The following SLIT2 variants were observed in gnomAD, a reference collection of about 807,000 sequenced individuals.
SLIT2 encodes the protein slit homolog 2 protein.
A neutral mutation model predicts 185.7 loss-of-function variants in SLIT2; 41 were observed. The ratio of observed to expected loss-of-function variants is 0.22; its 90% CI spans 0.17 to 0.29. SLIT2 has a LOEUF of 0.29. SLIT2 is among the 10% of genes least tolerant of loss of function. SLIT2 has a pLI of 1.00. For synonymous variants in SLIT2, 693 were observed against 680.2 expected (o/e 1.02, Z -0.29); for missense variants, 1,571 against 1,909.0 (o/e 0.82, Z 3.30).
chr4:20,320,962 A>G (rs2109164003), intron 4 of SLIT2, among the ~76,000 whole-genome samples: 1 of 152,208 alleles, frequency 6.6e-6, no homozygotes, highest in East Asian at 1.9e-4. Context: ...CCAGGAATTC[A>G]AGACCAGCCT....
chr4:20,352,668 C>A (rs1024603313), intron 4 of SLIT2, among the ~76,000 whole-genome samples: 78 of 152,168 alleles, frequency 5.1e-4, no homozygotes, highest in African/African-American at 1.8e-3. Context: ...AATCCCAGCA[C>A]TTTGGGAGGC....
At chr4:20,412,521 C>A (rs922450669) in intron 4 of SLIT2, among the ~76,000 whole-genome samples, 3 of 151,898 alleles carry the variant, frequency 2.0e-5, no homozygotes, top group African/African-American at 7.3e-5. Context: ...ATGATAAAAT[C>A]TTTCATATTT....
chr4:20,267,848 TGG>T (rs1229049563), intron 3 of SLIT2, among the ~76,000 whole-genome samples: 3 of 151,926 alleles, frequency 2.0e-5, no homozygotes, highest in Non-Finnish European at 1.5e-5. Context: ...CATTACCTTC[TGG>T]AACTATATCC....
chr4:20,440,659 T>G (rs1729677667), intron 4 of SLIT2, among the ~76,000 whole-genome samples: 1 of 152,222 alleles, frequency 6.6e-6, no homozygotes, highest in African/African-American at 2.4e-5. Flanking sequence ...ACCTCTGAAT[T>G]TGAAGTTGCC....
rs374085429 is a variant in SLIT2, at chr4:20,523,863, G to A, written c.1234G>A (p.Ala412Thr). Reference protein sequence around the residue: ...SLYDNKLQTIAKGTFSPLRAI... With the variant: ...SLYDNKLQTITKGTFSPLRAI... ...ATATGACAACAAGCTTCAGACCATCGCCAAGGGGACCTTTTCACCTCTTCG... is the reference window on the plus strand; with the variant it reads ...ATATGACAACAAGCTTCAGACCATCACCAAGGGGACCTTTTCACCTCTTCG... Residue 412 changes from alanine (A) to threonine (T), a missense_variant, in exon 13 of 37, where the codon GCC becomes ACC. This residue lies in a region of SLIT2 where 1,202 missense variants were observed against 1,416.4 expected (regional missense o/e 0.85). Coordinates refer to ENST00000504154, the MANE Select transcript of SLIT2 (RefSeq NM_004787.4). 11 of 1,613,832 alleles carry A rather than the reference G, an allele frequency of 6.8e-6. No homozygotes were observed. The highest frequency in any genetic ancestry group is 6.7e-5 in the East Asian group (3 of 44,872).
intron 33 of SLIT2, among the ~76,000 whole-genome samples, chr4:20,601,062 T>G (rs1439007499): frequency 6.6e-6 from 1 of 152,108 alleles, no homozygotes; most frequent in Non-Finnish European, 1.5e-5. Context: ...CACTTACATT[T>G]TCATGTATTT....
At chr4:20,429,806 T>G (rs1018821545) in intron 4 of SLIT2, among the ~76,000 whole-genome samples, 1 of 152,026 alleles carries the variant, frequency 6.6e-6, no homozygotes, top group Non-Finnish European at 1.5e-5. Flanking sequence ...GAAATAGCAG[T>G]GAGTGAAGAA....
chr4:20,286,807 A>G (rs1215139010), intron 4 of SLIT2, among the ~76,000 whole-genome samples: 1 of 152,218 alleles, frequency 6.6e-6, no homozygotes, highest in Non-Finnish European at 1.5e-5. Flanking sequence ...ATCTCTAAGT[A>G]AATAAATATA....
chr4:20,287,553 T>A (rs564779113), intron 4 of SLIT2, among the ~76,000 whole-genome samples: 1 of 152,232 alleles, frequency 6.6e-6, no homozygotes, highest in African/African-American at 2.4e-5. Context: ...TAGTTGGAAC[T>A]TTTTTGTTGA....
intron 33 of SLIT2, among the ~76,000 whole-genome samples, chr4:20,601,566 T>A (rs867951603): frequency 6.6e-6 from 1 of 152,190 alleles, no homozygotes; most frequent in African/African-American, 2.4e-5. Context: ...TCCTTTACCT[T>A]CAATTTGCAG....
At chr4:20,503,568 T>A (rs957219848) in intron 9 of SLIT2, among the ~76,000 whole-genome samples, 1 of 117,532 alleles carries the variant, frequency 8.5e-6, no homozygotes, top group Admixed American at 8.8e-5. Flanking sequence ...GCCCATTTTT[T>A]TTCCCCGAGT....
intron 29 of SLIT2, among the ~76,000 whole-genome samples, chr4:20,576,564 A>G (rs1453745463): frequency 6.6e-6 from 1 of 152,126 alleles, no homozygotes; most frequent in Non-Finnish European, 1.5e-5. Flanking sequence ...TAAGGTCTTT[A>G]TATCAAGGTC....
intron 4 of SLIT2, among the ~76,000 whole-genome samples, chr4:20,461,162 A>G (rs868646940): frequency 6.6e-6 from 1 of 152,172 alleles, no homozygotes; most frequent in Non-Finnish European, 1.5e-5. Context: ...TTAACTCTCC[A>G]TCTCACGGTG....
chr4:20,383,222 G>A (rs901295080), intron 4 of SLIT2, among the ~76,000 whole-genome samples: 6 of 152,054 alleles, frequency 3.9e-5, no homozygotes, highest in Non-Finnish European at 8.8e-5. Context: ...TTCTTAAATA[G>A]AACACAGAAA....
chr4:20,345,442 T>C (rs1476985180), intron 4 of SLIT2, among the ~76,000 whole-genome samples: 1 of 152,108 alleles, frequency 6.6e-6, no homozygotes, highest in African/African-American at 2.4e-5. Flanking sequence ...TGCTATTCAC[T>C]AATGGTACTT....
chr4:20,513,742 G>A (rs575371218), intron 11 of SLIT2, among the ~76,000 whole-genome samples: 1 of 152,124 alleles, frequency 6.6e-6, no homozygotes, highest in African/African-American at 2.4e-5. Context: ...TGGTTGGCGG[G>A]GGGAAGCTAA....
At chr4:20,548,841 G>T (rs1723483367) in intron 23 of SLIT2, among the ~76,000 whole-genome samples, 1 of 152,150 alleles carries the variant, frequency 6.6e-6, no homozygotes, top group Non-Finnish European at 1.5e-5. Flanking sequence ...ACGCACCAAA[G>T]TTGGGCAGGA....
At chr4:20,406,921 A>G (rs1369843581) in intron 4 of SLIT2, among the ~76,000 whole-genome samples, 3 of 82,082 alleles carry the variant, frequency 3.7e-5, no homozygotes, top group Admixed American at 3.2e-4. Flanking sequence ...CCTATCAACA[A>G]TGAAATACAA....
At chr4:20,338,119 A>C (rs1286479480) in intron 4 of SLIT2, among the ~76,000 whole-genome samples, 4 of 152,196 alleles carry the variant, frequency 2.6e-5, no homozygotes, top group Non-Finnish European at 5.9e-5. Flanking sequence ...GTATATTTAA[A>C]TGATTCATTT....
Sources: allele counts gnomAD v4.1 joint callset (sites outside exome capture counted in the v4.1 genomes callset), GRCh38; gene constraint gnomAD v4.1.1; regional missense constraint gnomAD v4.1.1; transcripts MANE v1.5; gene names NCBI Gene and HGNC (gene_info 2026-07-23, HGNC 2026-07-21).